The following MAL variants were observed in gnomAD, a reference collection of about 807,000 sequenced individuals.
MAL encodes the protein mal, T cell differentiation protein (MAL blood group).
MAL carries 5 observed loss-of-function variants against 16.7 expected under a neutral mutation model. The observed-to-expected ratio is 0.30, with a 90% confidence interval of 0.16 to 0.63. The LOEUF (loss-of-function observed/expected upper bound fraction) is 0.63. Among genes scored for constraint, MAL ranks in the 30% least tolerant of loss-of-function variants. The pLI is 0.82. For synonymous variants in MAL, 96 were observed against 85.5 expected, an observed-to-expected ratio of 1.12 and a Z score of -0.67; for missense variants, 202 against 195.8, an observed-to-expected ratio of 1.03 and a Z score of -0.19.
chr2:95,031,327 A>G (rs1187368354), intron 1 of MAL, among the ~76,000 whole-genome samples: 4 of 152,024 alleles, frequency 2.6e-5, no homozygotes, highest in African/African-American at 9.7e-5. Context: ...CTCTCCCCCA[A>G]CAGGAATGAA....
At chr2:95,029,824 T>TA (rs970302916) in intron 1 of MAL, among the ~76,000 whole-genome samples, 1 of 152,230 alleles carries the variant, frequency 6.6e-6, no homozygotes, top group Non-Finnish European at 1.5e-5. Context: ...CCTGATTGTT[T>TA]AAGCTTCAGG....
intron 1 of MAL, among the ~76,000 whole-genome samples, chr2:95,039,443 AGTGAGTGAGTGAGTGAGTGG>A (rs1674382967): frequency 1.3e-5 from 2 of 150,192 alleles, no homozygotes; most frequent in Admixed American, 1.3e-4. Flanking sequence ...TGACTGAGTG[AGTGAGTGAGTGAGTGAGTGG>A]GTGAGTGAGT....
Position 95,053,505 on chromosome 2 carries a change from C to T in MAL, c.*50C>T. On this transcript the variant is annotated 3_prime_UTR_variant, in exon 4 of 4. Coordinates refer to ENST00000309988, the MANE Select transcript of MAL (RefSeq NM_002371.4). ...AACCCAGATGGTGTTAACTGGCCGC[C>T]CCACTTTCCGGCATAACTTTTTAGA... is the stretch of plus-strand genomic sequence containing the variant. The T allele has an allele frequency of 7.2e-7, 1 of 1,397,154 alleles. No individual in the cohort carries two copies. Among genetic ancestry groups the T allele is most frequent in the Non-Finnish European group, 1.0e-6 (1 of 983,540 alleles). 86.5% of individuals were successfully genotyped at this position (1,397,154 alleles called of 1,614,324 possible). A position where few individuals can be genotyped will look rare whatever the true frequency, so the allele number is the denominator to read the frequency against.
intron 3 of MAL, among the ~76,000 whole-genome samples, chr2:95,051,125 C>T (rs1674705513): frequency 6.6e-6 from 1 of 152,218 alleles, no homozygotes; most frequent in African/African-American, 2.4e-5. Flanking sequence ...AACACCCCTT[C>T]CCGCTGGGCA....
In MAL at chr2:95,047,969, G is replaced by A; in HGVS notation, c.104G>A (p.Gly35Asp). 1 of 1,613,646 alleles carries A rather than the reference G, an allele frequency of 6.2e-7. No individual in the cohort carries two copies. The highest frequency in any genetic ancestry group is 8.5e-7 in the Non-Finnish European group (1 of 1,179,818). Reference sequence around the variant, plus strand: ...CCTCCTCCCCCGCAGATCTTCGGGGGCCTGGTGTGGATCCTGGTGGCCTCC... The same window carrying A: ...CCTCCTCCCCCGCAGATCTTCGGGGACCTGGTGTGGATCCTGGTGGCCTCC... The part of the protein sequence containing the change: ...LLFIFEFIFG[G>D]LVWILVASSL... Residue 35 changes from glycine (G) to aspartate (D), a missense_variant, in exon 2 of 4, where the codon GGC becomes GAC. Gly to Asp is a moderately conservative substitution (Grantham distance 94, BLOSUM62 -1). Coordinates refer to ENST00000309988, the MANE Select transcript of MAL (RefSeq NM_002371.4).
Position 95,025,747 on chromosome 2 carries a change from C to A in MAL, c.-46C>A. 7.3e-7 allele frequency: 1 copy of A among 1,369,500 alleles called. No homozygotes were observed. Among genetic ancestry groups the A allele is most frequent in the African/African-American group, 1.5e-5 (1 of 66,686 alleles). 84.8% of individuals were successfully genotyped at this position (1,369,500 alleles called of 1,614,324 possible). On this transcript the variant is annotated 5_prime_UTR_variant, in exon 1 of 4. The change creates a new upstream start codon in the 5' untranslated region. Transcript: ENST00000309988. This position sits in a 1 kb window ranked among gnomAD's most constrained non-coding sequence, Gnocchi z 5.6. Reference sequence around the variant, plus strand: ...AGCCAGCGAGAGGTCTGCGCGGAGTCTGAGCGGCGCTCGTCCCGTCCCAAG... The same window carrying A: ...AGCCAGCGAGAGGTCTGCGCGGAGTATGAGCGGCGCTCGTCCCGTCCCAAG...
intron 1 of MAL, among the ~76,000 whole-genome samples, chr2:95,031,715 T>C (rs909264707): frequency 1.3e-5 from 2 of 152,192 alleles, no homozygotes; most frequent in Non-Finnish European, 2.9e-5. Flanking sequence ...AATGGGATGG[T>C]GGCTGAGTTG....
chr2:95,047,841 CTT>C, intron 1 of MAL, 116 bp from the exon 2 acceptor site: 4 of 983,862 alleles, frequency 4.1e-6, no homozygotes. Context: ...GCCCTGTTCT[CTT>C]TGCCTGCTTC....
chr2:95,032,566 C>T (rs574114950), intron 1 of MAL, among the ~76,000 whole-genome samples: 1 of 152,314 alleles, frequency 6.6e-6, no homozygotes, highest in Admixed American at 6.5e-5. Context: ...GGTGTGAGGA[C>T]AGTGGGGGAC....
intron 1 of MAL, among the ~76,000 whole-genome samples, chr2:95,029,929 T>C (rs1674035021): frequency 6.6e-6 from 1 of 152,236 alleles, no homozygotes; most frequent in South Asian, 2.1e-4. Flanking sequence ...AATTTTCTGC[T>C]AGTCCAATGG....
chr2:95,049,254 G>T (rs866912829), intron 2 of MAL, among the ~76,000 whole-genome samples: 5 of 152,234 alleles, frequency 3.3e-5, no homozygotes, highest in Non-Finnish European at 5.9e-5. Flanking sequence ...AACCTGGACT[G>T]TGGCCATGCA....
intron 1 of MAL, among the ~76,000 whole-genome samples, chr2:95,037,668 C>G (rs1250363195): frequency 1.5e-4 from 18 of 116,194 alleles, no homozygotes; most frequent in Middle Eastern, 7.5e-3. Flanking sequence ...GAGTGACTGA[C>G]TGAGTGACTG....
intron 2 of MAL, 94 bp from the exon 3 acceptor site, chr2:95,049,487 G>GA: frequency 1.3e-6 from 2 of 1,497,020 alleles, no homozygotes; most frequent in South Asian, 2.5e-5. Flanking sequence ...GAAGTGGGGG[G>GA]AGAGGCAAGG....
intron 1 of MAL, among the ~76,000 whole-genome samples, chr2:95,030,947 G>C (rs1314286611): frequency 1.3e-5 from 2 of 152,206 alleles, no homozygotes; most frequent in Admixed American, 6.5e-5. Context: ...TTTCTACCTG[G>C]CTGGGGAATA....
chr2:95,030,051 A>T (rs1386437303), intron 1 of MAL, among the ~76,000 whole-genome samples: 1 of 152,186 alleles, frequency 6.6e-6, no homozygotes, highest in South Asian at 2.1e-4. Context: ...CAGATGTCCA[A>T]GCTGATCCGG....
intron 1 of MAL, 114 bp from the exon 2 acceptor site, chr2:95,047,845 G>C (rs752364643): frequency 2.0e-6 from 2 of 1,009,654 alleles, no homozygotes; most frequent in African/African-American, 3.2e-5. Context: ...TGTTCTCTTT[G>C]CCTGCTTCCT....
intron 1 of MAL, among the ~76,000 whole-genome samples, chr2:95,041,277 C>T (rs560892533): frequency 6.6e-6 from 1 of 152,266 alleles, no homozygotes; most frequent in African/African-American, 2.4e-5. Flanking sequence ...GAAGGAAGGC[C>T]GGCTCATATC....
chr2:95,044,747 C>T (rs1038640494), intron 1 of MAL: 2 of 152,260 alleles, frequency 1.3e-5, no homozygotes, highest in African/African-American at 4.8e-5. Flanking sequence ...TGGAACAGGG[C>T]AGAGTCTGGC....
At chr2:95,043,657 T>C (rs147528030) in intron 1 of MAL, among the ~76,000 whole-genome samples, 5 of 152,360 alleles carry the variant, frequency 3.3e-5, no homozygotes, top group Admixed American at 2.6e-4. Flanking sequence ...CAGCTGTTTC[T>C]GTTCCACAGA....
Sources: allele counts gnomAD v4.1 joint callset (sites outside exome capture counted in the v4.1 genomes callset), GRCh38; gene constraint gnomAD v4.1.1; non-coding constraint Gnocchi (gnomAD v3.1); transcripts MANE v1.5; gene names NCBI Gene and HGNC (gene_info 2026-07-23, HGNC 2026-07-21).